The following CDH18 variants were observed in gnomAD, a reference collection of about 807,000 sequenced individuals.
CDH18 encodes cadherin 18, also known as cadherin-18.
CDH18 carries 31 observed loss-of-function variants against 67.9 expected under a neutral mutation model. The ratio of observed to expected loss-of-function variants is 0.46; its 90% CI spans 0.34 to 0.62. The LOEUF (loss-of-function observed/expected upper bound fraction) is 0.62. CDH18 is among the 20% of genes least tolerant of loss of function. The probability of loss-of-function intolerance (pLI) is 0.01; values close to 1 mark genes in which losing one functional copy is unlikely to be tolerated. For missense variants in CDH18, 890 were observed against 975.5 expected (o/e 0.91, Z 1.17); for synonymous variants, 362 against 347.2 (o/e 1.04, Z -0.48).
chr5:20,003,718 C>T (rs904526463), intron 2 of CDH18, among the ~76,000 whole-genome samples: 1 of 152,028 alleles, frequency 6.6e-6, no homozygotes, highest in Admixed American at 6.6e-5. Flanking sequence ...CGGTGAAACC[C>T]CGTCTCTACT....
At chr5:19,986,925 T>C (rs183861024) in intron 1 of CDH18, among the ~76,000 whole-genome samples, 67 of 152,124 alleles carry the variant, frequency 4.4e-4, no homozygotes, top group Admixed American at 1.2e-3. Flanking sequence ...GATCCCAGAG[T>C]GAAAAATAAA....
chr5:19,900,947 T>G (rs140372778), intron 2 of CDH18, among the ~76,000 whole-genome samples: 1 of 152,194 alleles, frequency 6.6e-6, no homozygotes, highest in African/African-American at 2.4e-5. Flanking sequence ...AATTAACAAC[T>G]TAGGAATCAA....
chr5:19,746,331 T>C (rs1054094228), intron 4 of CDH18, among the ~76,000 whole-genome samples: 1 of 152,170 alleles, frequency 6.6e-6, no homozygotes, highest in African/African-American at 2.4e-5. Context: ...TTTCTAAATA[T>C]GTGAATTTGC....
At chr5:19,826,934 G>T (rs182796086) in intron 3 of CDH18, among the ~76,000 whole-genome samples, 2 of 152,200 alleles carry the variant, frequency 1.3e-5, no homozygotes, top group East Asian at 1.9e-4. Context: ...GGCACAGAGT[G>T]GTAAGTGAGA....
At chr5:19,882,867 T>G (rs967552258) in intron 2 of CDH18, among the ~76,000 whole-genome samples, 2 of 152,194 alleles carry the variant, frequency 1.3e-5, no homozygotes, top group African/African-American at 4.8e-5. Flanking sequence ...ACTATGAAAT[T>G]TAACTGTAAG....
intron 2 of CDH18, among the ~76,000 whole-genome samples, chr5:19,933,939 C>T (rs1793972693): frequency 6.6e-6 from 1 of 151,338 alleles, no homozygotes; most frequent in South Asian, 2.1e-4. Flanking sequence ...GGATCTATCC[C>T]TTGAACTAGA....
At chr5:19,718,726 A>C (rs942717160) in intron 5 of CDH18, among the ~76,000 whole-genome samples, 26 of 152,024 alleles carry the variant, frequency 1.7e-4, no homozygotes, top group African/African-American at 6.3e-4. Flanking sequence ...TGCATTAGCC[A>C]GTATAATACT....
chr5:19,714,315 A>C (rs1351314069), intron 5 of CDH18, among the ~76,000 whole-genome samples: 1 of 152,150 alleles, frequency 6.6e-6, no homozygotes, highest in African/African-American at 2.4e-5. Flanking sequence ...CCTGAGTAAA[A>C]TCAGAGTTAT....
In CDH18 at chr5:19,780,969, T is replaced by C. The variant is rs1459405508; in HGVS notation, c.229-33733A>G. Among the ~76,000 whole-genome samples the C allele has an allele frequency of 3.3e-5, 5 of 152,110 alleles. No individual in the cohort carries two copies. In the East Asian group the frequency reaches 9.6e-4, roughly 29 times the overall value. ...TGGTTTCCTATAGAATAATATGAAA[T>C]TAAATACAGCAAGTCAAATATTTAA... On this transcript the variant is annotated intron_variant, in intron 3 of 12. Transcript: ENST00000382275.
intron 1 of CDH18, among the ~76,000 whole-genome samples, chr5:20,283,500 T>C (rs1301208001): frequency 1.3e-5 from 2 of 151,416 alleles, no homozygotes; most frequent in Non-Finnish European, 2.9e-5. Flanking sequence ...TATGAAAAGA[T>C]GTTCATGATC....
Position 19,660,353 on chromosome 5 carries a change from C to G in CDH18, c.644-47752G>C, listed in dbSNP as rs557531408. 2.0e-5 allele frequency among the ~76,000 whole-genome samples: 3 copies of G among 152,164 alleles called. No homozygotes were observed. The South Asian group carries it at 6.2e-4, about 32-fold the overall frequency. ...ATTTCTCATTTTTTACAGTGAAACA[C>G]TGAGAGTGAATAATAAAGATGCTGA... On this transcript the variant is annotated intron_variant, in intron 5 of 12. Transcript: ENST00000382275.
intron 2 of CDH18, among the ~76,000 whole-genome samples, chr5:20,016,832 C>T (rs888543295): frequency 1.7e-4 from 26 of 152,098 alleles, no homozygotes; most frequent in African/African-American, 2.2e-4. Context: ...CTATGGATCA[C>T]GGCCTTGGGG....
At chr5:20,281,711 G>A (rs1302364622) in intron 1 of CDH18, among the ~76,000 whole-genome samples, 1 of 152,104 alleles carries the variant, frequency 6.6e-6, no homozygotes, top group African/African-American at 2.4e-5. Context: ...GGTTCCATAT[G>A]AACTTTAAAA....
chr5:20,220,305 A>G (rs1741123394), intron 2 of CDH18, among the ~76,000 whole-genome samples: 1 of 151,998 alleles, frequency 6.6e-6, no homozygotes, highest in Non-Finnish European at 1.5e-5. Flanking sequence ...CAGAATAGAG[A>G]ACCCAGAAAT....
chr5:20,328,271 G>A (rs940371370), intron 1 of CDH18, among the ~76,000 whole-genome samples: 5 of 152,180 alleles, frequency 3.3e-5, no homozygotes, highest in Admixed American at 6.5e-5. Context: ...GGTATCAACC[G>A]TATCCAGGTG....
intron 2 of CDH18, among the ~76,000 whole-genome samples, chr5:20,010,695 C>T (rs1478915202): frequency 6.6e-6 from 1 of 152,164 alleles, no homozygotes; most frequent in African/African-American, 2.4e-5. Flanking sequence ...CTTTTACTCC[C>T]ACCTTTCTGG....
intron 2 of CDH18, among the ~76,000 whole-genome samples, chr5:19,980,266 C>T (rs183372034): frequency 1.8e-3 from 269 of 152,112 alleles, no homozygotes; most frequent in Middle Eastern, 3.4e-3. Flanking sequence ...AAGACCTCTA[C>T]AAGGAGAACT....
chr5:20,164,313 T>C lies in CDH18; in HGVS notation c.-518+91131A>G, dbSNP rs140464897. 5.0e-3 allele frequency among the ~76,000 whole-genome samples: 756 copies of C among 152,158 alleles called. 8 individuals carry two copies. Among genetic ancestry groups the C allele is most frequent in the African/African-American group, 0.017 (697 of 41,510 alleles). ...GTTTTTTGTATTTTTTCAGATGGAG[T>C]TTAGCTCTTGTTGCCCAGGCTGTAG... On this transcript the variant is annotated intron_variant, in intron 2 of 14. Transcript: ENST00000507958.
At chr5:20,116,188 T>G (rs1214672187) in intron 2 of CDH18, among the ~76,000 whole-genome samples, 1 of 152,088 alleles carries the variant, frequency 6.6e-6, no homozygotes, top group Non-Finnish European at 1.5e-5. Context: ...ACTCAATTCC[T>G]CCAGAAATTT....
Sources: allele counts gnomAD v4.1 joint callset (sites outside exome capture counted in the v4.1 genomes callset), GRCh38; gene constraint gnomAD v4.1.1; transcripts MANE v1.5; gene names NCBI Gene and HGNC (gene_info 2026-07-23, HGNC 2026-07-21).